MICU1: variants seen among roughly 807,000 people sequenced by gnomAD.
The protein encoded by MICU1 is mitochondrial calcium uptake 1.
MICU1 carries 45 observed loss-of-function variants against 56.8 expected under a neutral mutation model. That is an observed-to-expected ratio of 0.79 (90% CI 0.62 to 1.02). The LOEUF (loss-of-function observed/expected upper bound fraction) is 1.02, where lower values mean the gene tolerates loss of function less well. MICU1 is among the 50% of genes least tolerant of loss of function. MICU1 has a pLI of 0.00. For synonymous variants in MICU1, 186 were observed against 195.1 expected, an observed-to-expected ratio of 0.95 and a Z score of 0.39; for missense variants, 504 against 587.1, an observed-to-expected ratio of 0.86 and a Z score of 1.46.
chr10:72,398,604 C>T (rs1028203463), intron 10 of MICU1, among the ~76,000 whole-genome samples: 7 of 151,788 alleles, frequency 4.6e-5, no homozygotes, highest in East Asian at 3.9e-4. Flanking sequence ...GAAATGATAA[C>T]GGGGATATAC....
At chr10:72,546,442 A>C (rs1306943660) in intron 4 of MICU1, among the ~76,000 whole-genome samples, 3 of 152,166 alleles carry the variant, frequency 2.0e-5, no homozygotes, top group African/African-American at 4.8e-5. Flanking sequence ...GCTGTAACAA[A>C]TCTGGCCGCT....
chr10:72,538,821 T>A (rs546310246), intron 4 of MICU1, among the ~76,000 whole-genome samples: 33 of 152,130 alleles, frequency 2.2e-4, no homozygotes, highest in East Asian at 9.6e-4. Context: ...AAATTTTTTT[T>A]AAAAAGACCC....
chr10:72,462,342 C>T (rs1182619501), intron 8 of MICU1, among the ~76,000 whole-genome samples: 1 of 151,882 alleles, frequency 6.6e-6, no homozygotes. Flanking sequence ...CTTATCCTCC[C>T]AAGTAGCTGG....
At chr10:72,425,762 G>A (rs181328414) in intron 8 of MICU1, among the ~76,000 whole-genome samples, 75 of 152,262 alleles carry the variant, frequency 4.9e-4, no homozygotes, top group Non-Finnish European at 9.7e-4. Flanking sequence ...GGGAGCCATG[G>A]AGAGCTGTTT....
intron 10 of MICU1, among the ~76,000 whole-genome samples, chr10:72,392,511 C>T (rs932765520): frequency 2.0e-5 from 3 of 152,022 alleles, no homozygotes; most frequent in African/African-American, 7.2e-5. Context: ...GCAGAGGTTG[C>T]GGTGAGCCAA....
intron 1 of MICU1, among the ~76,000 whole-genome samples, chr10:72,621,128 ATAATTT>A (rs568080752): frequency 3.0e-4 from 46 of 152,330 alleles, no homozygotes; most frequent in African/African-American, 1.0e-3. Context: ...AGTGTTAATT[ATAATTT>A]TAAAGTTAAC....
At chr10:72,369,610 G>A (rs912516729) in intron 11 of MICU1, among the ~76,000 whole-genome samples, 1 of 152,086 alleles carries the variant, frequency 6.6e-6, no homozygotes, top group Non-Finnish European at 1.5e-5. Flanking sequence ...CTTTGGCTTT[G>A]GATTGAGCCC....
intron 10 of MICU1, among the ~76,000 whole-genome samples, chr10:72,381,967 C>T (rs1862720157): frequency 9.8e-6 from 1 of 102,080 alleles, no homozygotes. Context: ...TATCTATACA[C>T]ACACACACAC....
At chr10:72,481,962 T>C (rs1371743170) in intron 6 of MICU1, among the ~76,000 whole-genome samples, 3 of 152,232 alleles carry the variant, frequency 2.0e-5, no homozygotes, top group Non-Finnish European at 4.4e-5. Context: ...TCTGTTTCTA[T>C]AATATCATTC....
At chr10:72,510,883 T>C (rs1004783248) in intron 5 of MICU1, among the ~76,000 whole-genome samples, 1 of 152,180 alleles carries the variant, frequency 6.6e-6, no homozygotes, top group Non-Finnish European at 1.5e-5. Flanking sequence ...CCACCCACCT[T>C]GGCCTCCCAA....
At chr10:72,592,768 C>T (rs540650732) in intron 1 of MICU1, among the ~76,000 whole-genome samples, 1 of 151,646 alleles carries the variant, frequency 6.6e-6, no homozygotes, top group Admixed American at 6.6e-5. Flanking sequence ...CCCAAAATTC[C>T]ACACACTTTT....
intron 1 of MICU1, among the ~76,000 whole-genome samples, chr10:72,567,768 T>C (rs1204016001): frequency 6.6e-6 from 1 of 152,154 alleles, no homozygotes; most frequent in Non-Finnish European, 1.5e-5. Flanking sequence ...AGTTCCTGCA[T>C]GCTATAGAAG....
intron 10 of MICU1, among the ~76,000 whole-genome samples, chr10:72,406,892 G>A (rs1435621212): frequency 6.6e-6 from 1 of 152,118 alleles, no homozygotes; most frequent in Non-Finnish European, 1.5e-5. Context: ...CTCCCAAAGT[G>A]TTCGGATTAC....
chr10:72,428,646 T>C (rs903382389), intron 8 of MICU1, among the ~76,000 whole-genome samples: 6 of 152,128 alleles, frequency 3.9e-5, no homozygotes, highest in Non-Finnish European at 8.8e-5. Context: ...AGAAAAAATT[T>C]CAGGTTGGTG....
intron 1 of MICU1, among the ~76,000 whole-genome samples, chr10:72,605,098 G>T (rs558863495): frequency 3.0e-4 from 46 of 152,256 alleles, no homozygotes; most frequent in African/African-American, 1.1e-3. Flanking sequence ...CAAAGACCCC[G>T]CTAATAAAAC....
chr10:72,405,007 A>G (rs1304467861), intron 10 of MICU1, among the ~76,000 whole-genome samples: 3 of 152,096 alleles, frequency 2.0e-5, no homozygotes, highest in African/African-American at 7.2e-5. Flanking sequence ...CCCGGGTTCA[A>G]GTGATTCTCC....
chr10:72,617,412 G>A (rs922953572), intron 1 of MICU1, among the ~76,000 whole-genome samples: 8 of 151,966 alleles, frequency 5.3e-5, no homozygotes, highest in African/African-American at 1.9e-4. Flanking sequence ...ACTCTGTGAG[G>A]GGTACTATGC....
intron 10 of MICU1, among the ~76,000 whole-genome samples, chr10:72,394,363 C>G (rs550523481): frequency 6.6e-6 from 1 of 152,190 alleles, no homozygotes; most frequent in Non-Finnish European, 1.5e-5. Context: ...TGAGGCTGGG[C>G]CCCTGTAATC....
intron 5 of MICU1, among the ~76,000 whole-genome samples, chr10:72,530,412 A>T (rs1839447548): frequency 6.6e-6 from 1 of 150,592 alleles, no homozygotes; most frequent in Non-Finnish European, 1.5e-5. Context: ...CTATAATGCT[A>T]ATAAGCTATT....
Sources: allele counts gnomAD v4.1 joint callset (sites outside exome capture counted in the v4.1 genomes callset), GRCh38; gene constraint gnomAD v4.1.1; transcripts MANE v1.5; gene names NCBI Gene and HGNC (gene_info 2026-07-23, HGNC 2026-07-21).